The following ARMC8 variants were observed in gnomAD, a reference collection of about 807,000 sequenced individuals.
ARMC8 encodes the protein armadillo repeat-containing protein 8.
Under a neutral mutation model 99.3 loss-of-function variants are expected in ARMC8, and 20 were observed. That is an observed-to-expected ratio of 0.20 (90% CI 0.14 to 0.29). The LOEUF (loss-of-function observed/expected upper bound fraction) is 0.29. Among genes scored for constraint, ARMC8 ranks in the 10% least tolerant of loss-of-function variants. The pLI is 1.00. For missense variants in ARMC8, 569 were observed against 809.5 expected (o/e 0.70, Z 3.60); for synonymous variants, 263 against 278.3 (o/e 0.95, Z 0.55).
intron 21 of ARMC8, among the ~76,000 whole-genome samples, chr3:138,294,665 G>A (rs2051300922): frequency 1.3e-5 from 2 of 152,114 alleles, no homozygotes; most frequent in African/African-American, 4.8e-5. Context: ...TATTGTACCT[G>A]AACATTGTAG....
At chr3:138,245,425 G>A in intron 12 of ARMC8, 1 of 1,380,774 alleles carries the variant, frequency 7.2e-7, no homozygotes, top group Non-Finnish European at 9.3e-7. Flanking sequence ...TTTTTTTTGT[G>A]TCATTAATAT....
intron 20 of ARMC8, among the ~76,000 whole-genome samples, chr3:138,289,818 C>G (rs1214380007): frequency 6.6e-6 from 1 of 152,156 alleles, no homozygotes; most frequent in African/African-American, 2.4e-5. Flanking sequence ...GTGCAGATTT[C>G]TGGGCCCCAT....
intron 17 of ARMC8, 62 bp from the exon 18 acceptor site, chr3:138,274,387 C>G: frequency 9.2e-7 from 1 of 1,089,806 alleles, no homozygotes; most frequent in Admixed American, 1.9e-5. Context: ...CTTTTAGAAG[C>G]CTTGTATTCG....
At position 138,223,688 on chromosome 3, in the gene ARMC8, T is replaced by A; in HGVS notation, c.390T>A (p.Arg130=). The A allele has an allele frequency of 1.9e-6, 3 of 1,614,234 alleles. No individual in the cohort carries two copies. Among genetic ancestry groups the A allele is most frequent in the Non-Finnish European group, 2.5e-6 (3 of 1,180,032 alleles). ...KFIEACLRCL[R]TIFTSPVTPE... The stretch of plus-strand genomic sequence containing the variant: ...TTGAAGCTTGCCTCCGATGCCTGCG[T>A]ACCATCTTCACCAGTCCTGTCACTC... The change falls in exon 5 of 22, where the codon CGT becomes CGA. Residue 130 remains arginine (R), a synonymous_variant. Transcript: ENST00000469044.
At chr3:138,277,656 A>G (rs552273442) in intron 18 of ARMC8, among the ~76,000 whole-genome samples, 1 of 152,252 alleles carries the variant, frequency 6.6e-6, no homozygotes, top group Admixed American at 6.5e-5. Flanking sequence ...AAAACAGTAC[A>G]GTTGCTAGCA....
At position 138,222,577 on chromosome 3, in the gene ARMC8, C is replaced by G. The variant is rs555152856; in HGVS notation, c.194+580C>G. ...GCTCCTCAGAGCTAAGTTTTCTGTG[C>G]AATTGCTATTAGCTTTTCATTCAGA... On this transcript the variant is annotated intron_variant, in intron 3 of 21. Transcript: ENST00000469044. Among the ~76,000 whole-genome samples the G allele has an allele frequency of 2.6e-5, 4 of 152,230 alleles. No individual in the cohort carries two copies. The South Asian group carries it at 8.3e-4, about 32-fold the overall frequency.
Position 138,221,813 on chromosome 3 carries a change from G to T in ARMC8, c.123-113G>T, listed in dbSNP as rs193052262. The T allele has an allele frequency of 3.8e-6, 3 of 784,918 alleles. No homozygotes were observed. In the African/African-American group the frequency reaches 5.2e-5, roughly 14 times the overall value. 48.6% of individuals were successfully genotyped at this position (784,918 alleles called of 1,614,324 possible). On this transcript the variant is annotated intron_variant, in intron 2 of 21. Coordinates refer to ENST00000469044, the MANE Select transcript of ARMC8 (RefSeq NM_001363941.2). ...TCATTAGTACTTTAGGTGAAAAAAGGTTAGTGCTTTTACTTTGTCAAATCT... is the reference window on the plus strand; with the variant it reads ...TCATTAGTACTTTAGGTGAAAAAAGTTTAGTGCTTTTACTTTGTCAAATCT...
intron 11 of ARMC8, among the ~76,000 whole-genome samples, chr3:138,244,230 T>A (rs2046771755): frequency 6.6e-6 from 1 of 152,140 alleles, no homozygotes; most frequent in South Asian, 2.1e-4. Flanking sequence ...TTAAGCATTT[T>A]CACAATGGGT....
At chr3:138,244,925 T>C (rs2046812675) in intron 11 of ARMC8, among the ~76,000 whole-genome samples, 163 bp from the exon 12 acceptor site, 1 of 152,230 alleles carries the variant, frequency 6.6e-6, no homozygotes, top group Non-Finnish European at 1.5e-5. Flanking sequence ...AAAGTCTCAG[T>C]GCTATGTGAA....
chr3:138,272,481 C>T (rs1233764842), intron 16 of ARMC8, among the ~76,000 whole-genome samples: 1 of 152,076 alleles, frequency 6.6e-6, no homozygotes, highest in Non-Finnish European at 1.5e-5. Context: ...GTAACAGTTA[C>T]GTTTCTCTTG....
intron 10 of ARMC8, 55 bp downstream of exon 10, chr3:138,239,583 A>G (rs2046504353): frequency 3.5e-6 from 4 of 1,134,954 alleles, no homozygotes; most frequent in South Asian, 1.4e-5. Context: ...TGTGTTAAAT[A>G]TCAGTATTGA....
At chr3:138,287,411 CT>C (rs2050536844) in intron 19 of ARMC8, among the ~76,000 whole-genome samples, 1 of 152,164 alleles carries the variant, frequency 6.6e-6, no homozygotes, top group Non-Finnish European at 1.5e-5. Flanking sequence ...TCAAAGAGAT[CT>C]GTTTTGTGCA....
intron 17 of ARMC8, among the ~76,000 whole-genome samples, chr3:138,273,396 T>G (rs1431371032): frequency 6.6e-6 from 1 of 152,182 alleles, no homozygotes; most frequent in Non-Finnish European, 1.5e-5. Context: ...CTACCTTGAT[T>G]TGTTACTTTT....
chr3:138,294,954 A>T (rs1455740081), intron 21 of ARMC8, among the ~76,000 whole-genome samples: 2 of 149,926 alleles, frequency 1.3e-5, no homozygotes, highest in Non-Finnish European at 3.0e-5. Flanking sequence ...GCTGGAGTGC[A>T]ATGGCACCAT....
intron 6 of ARMC8, among the ~76,000 whole-genome samples, chr3:138,234,012 G>T (rs989316242): frequency 6.6e-6 from 1 of 151,910 alleles, no homozygotes; most frequent in Admixed American, 6.6e-5. Context: ...TTAGTACATT[G>T]ATTAGTAGAA....
chr3:138,197,154 C>T (rs1361507377), intron 1 of ARMC8, among the ~76,000 whole-genome samples: 5 of 152,122 alleles, frequency 3.3e-5, no homozygotes, highest in Admixed American at 6.6e-5. Flanking sequence ...TAGACAGATT[C>T]GAAGTGGCCT....
chr3:138,197,447 C>T (rs951604435), intron 1 of ARMC8, among the ~76,000 whole-genome samples: 6 of 152,196 alleles, frequency 3.9e-5, no homozygotes, highest in Admixed American at 2.0e-4. Flanking sequence ...TAAGTAATTA[C>T]ATGACAGCAA....
At chr3:138,268,681 C>G (rs1051774397) in intron 15 of ARMC8, among the ~76,000 whole-genome samples, 5 of 152,044 alleles carry the variant, frequency 3.3e-5, no homozygotes, top group Admixed American at 3.3e-4. Flanking sequence ...GAGGCCGAGG[C>G]AGGAGAATTG....
At chr3:138,220,752 C>T (rs1456898999) in intron 2 of ARMC8, among the ~76,000 whole-genome samples, 2 of 149,090 alleles carry the variant, frequency 1.3e-5, no homozygotes, top group Non-Finnish European at 3.0e-5. Flanking sequence ...TGCAGTGGCG[C>T]GATCTCTGCT....
Sources: gnomAD v4.1 joint callset for allele counts (sites outside exome capture counted in the v4.1 genomes callset) on GRCh38, gnomAD v4.1.1 for gene constraint, MANE v1.5 for transcripts, NCBI Gene and HGNC (gene_info 2026-07-23, HGNC 2026-07-21) for gene names.